OR2V2: variants seen among roughly 807,000 people sequenced by gnomAD.
The protein encoded by OR2V2 is olfactory receptor family 2 subfamily V member 2.
For synonymous variants in OR2V2, 161 were observed against 151.3 expected (o/e 1.06, Z -0.47); for missense variants, 392 against 392.2 (o/e 1.00, Z 0.00).
chr5:181,153,059 C>T (rs2770959), intron 1 of OR2V2, among the ~76,000 whole-genome samples: 13,894 of 152,142 alleles, frequency 0.091, 925 homozygotes, highest in African/African-American at 0.2. Context: ...GGTGCAGGCC[C>T]GGATGGCTAA....
intron 1 of OR2V2, among the ~76,000 whole-genome samples, chr5:181,148,645 G>A (rs186855192): frequency 6.6e-6 from 1 of 152,274 alleles, no homozygotes; most frequent in African/African-American, 2.4e-5. Context: ...CCCCCCACGA[G>A]CACCAGACGT....
At chr5:181,152,989 AAG>A in intron 1 of OR2V2, among the ~76,000 whole-genome samples, 1 of 152,200 alleles carries the variant, frequency 6.6e-6, no homozygotes, top group Admixed American at 6.5e-5. Context: ...ATACAAAGTT[AAG>A]GGAGGAAAAG....
intron 1 of OR2V2, among the ~76,000 whole-genome samples, chr5:181,150,455 A>C (rs1277064755): frequency 6.6e-6 from 1 of 152,190 alleles, no homozygotes; most frequent in Non-Finnish European, 1.5e-5. Context: ...GGAAGCTAGC[A>C]CTGGCCTCTG....
Position 181,155,465 on chromosome 5 carries a change from G to C in OR2V2, c.523G>C (p.Val175Leu). 3 of 1,614,222 alleles carry C rather than the reference G, an allele frequency of 1.9e-6. No homozygotes were observed. Among genetic ancestry groups the C allele is most frequent in the Non-Finnish European group, 2.5e-6 (3 of 1,180,034 alleles). Residue 175 changes from valine (V) to leucine (L), a missense_variant, in exon 2 of 2, where the codon GTG becomes CTG. Val to Leu is a conservative substitution (Grantham distance 32). Coordinates refer to ENST00000641492, the MANE Select transcript of OR2V2 (RefSeq NM_206880.2). ...MNFPYCGLRK[V>L]NHFFCEMLSL... Reference sequence around the variant, plus strand: ...TTTCCCCTACTGTGGCTTGAGGAAGGTGAACCATTTCTTCTGTGAGATGCT... The same window carrying C: ...TTTCCCCTACTGTGGCTTGAGGAAGCTGAACCATTTCTTCTGTGAGATGCT...
At chr5:181,148,093 T>C (rs1451033313) in intron 1 of OR2V2, 98 bp downstream of exon 1, 3 of 397,690 alleles carry the variant, frequency 7.5e-6, no homozygotes, top group Non-Finnish European at 1.3e-5. Context: ...CATCAGCACT[T>C]GTTCTTCCTC....
rs188971643 is a variant in OR2V2, at chr5:181,156,253, G to A, written c.*363G>A. The A allele has an allele frequency of 3.9e-5, 8 of 203,396 alleles. No homozygotes were observed. Among genetic ancestry groups the A allele is most frequent in the Non-Finnish European group, 5.9e-5 (6 of 101,760 alleles). 12.6% of individuals were successfully genotyped at this position (203,396 alleles called of 1,614,324 possible). A position where few individuals can be genotyped will look rare whatever the true frequency, so the allele number is the denominator to read the frequency against. On this transcript the variant is annotated 3_prime_UTR_variant, in exon 2 of 2. Coordinates refer to ENST00000641492, the MANE Select transcript of OR2V2 (RefSeq NM_206880.2). ...CCTGAGTAGCTGGGATTACAGGTGC[G>A]TGCCCCACACCTGACTAATTTTTTA...
chr5:181,153,506 G>A (rs1334227309), intron 1 of OR2V2, among the ~76,000 whole-genome samples: 1 of 151,982 alleles, frequency 6.6e-6, no homozygotes, highest in Non-Finnish European at 1.5e-5. Flanking sequence ...GGGCAAGATG[G>A]CAACACCCCA....
At chr5:181,152,056 T>C in intron 1 of OR2V2, among the ~76,000 whole-genome samples, 1 of 151,140 alleles carries the variant, frequency 6.6e-6, no homozygotes, top group East Asian at 1.9e-4. Flanking sequence ...GAGGCGGGGC[T>C]CTAGTGACAG....
intron 1 of OR2V2, among the ~76,000 whole-genome samples, chr5:181,152,665 C>T (rs191511259): frequency 4.6e-5 from 7 of 152,322 alleles, no homozygotes; most frequent in African/African-American, 1.2e-4. Context: ...AAACAGAATA[C>T]GCAGAGCTGA....
chr5:181,153,422 C>T (rs1487126351), intron 1 of OR2V2, among the ~76,000 whole-genome samples: 1 of 152,152 alleles, frequency 6.6e-6, no homozygotes, highest in African/African-American at 2.4e-5. Context: ...CATGGTGGCT[C>T]ACACCTGTAA....
rs1763255922 is a variant in OR2V2, at chr5:181,155,737, C to T, written c.795C>T (p.His265=). ...TGTTCATCTACCTGAGGCCTAGGCA[C>T]TACCGGGCCCCCAGCCATGACAAGG... The part of the protein sequence containing the change: ...AAMFIYLRPR[H]YRAPSHDKVA... The change falls in exon 2 of 2, where the codon CAC becomes CAT. Residue 265 remains histidine, a synonymous_variant. Coordinates refer to ENST00000641492, the MANE Select transcript of OR2V2 (RefSeq NM_206880.2). 1 of 1,614,244 alleles carries T rather than the reference C, an allele frequency of 6.2e-7. No individual in the cohort carries two copies. The highest frequency in any genetic ancestry group is 8.5e-7 in the Non-Finnish European group (1 of 1,180,044).
chr5:181,151,166 C>T (rs1040847145), intron 1 of OR2V2, among the ~76,000 whole-genome samples: 2 of 151,974 alleles, frequency 1.3e-5, no homozygotes, highest in African/African-American at 4.8e-5. Context: ...GCAGAGGGAG[C>T]AGGAAAGGCC....
chr5:181,152,363 TCA>T (rs1318441946), intron 1 of OR2V2, among the ~76,000 whole-genome samples: 1 of 152,218 alleles, frequency 6.6e-6, no homozygotes, highest in Non-Finnish European at 1.5e-5. Context: ...GTAAAATTTC[TCA>T]GTTAGGAGCT....
chr5:181,152,625 C>A (rs1379268429), intron 1 of OR2V2, among the ~76,000 whole-genome samples: 2 of 152,212 alleles, frequency 1.3e-5, no homozygotes, highest in African/African-American at 4.8e-5. Flanking sequence ...CCAGGGACAA[C>A]CTCGGTGATG....
rs59712201 is a variant in OR2V2 at position 181,156,039 on chromosome 5, G to GTTCTTTCTTTCT, written c.*172_*183dup. The GTTCTTTCTTTCT allele has an allele frequency of 0.08, 39,357 of 494,164 alleles. 1,640 individuals are homozygous for GTTCTTTCTTTCT. The highest frequency in any genetic ancestry group is 0.086 in the Admixed American group (2,212 of 25,728). 30.6% of individuals were successfully genotyped at this position (494,164 alleles called of 1,614,324 possible). A position where few individuals can be genotyped will look rare whatever the true frequency, so the allele number is the denominator to read the frequency against. ...GAAGGTCTTTTTAAACACTACATCAGTTCTTTCTTTCTTTCTTTCTTTCTT... is the reference window on the plus strand; with the variant it reads ...GAAGGTCTTTTTAAACACTACATCAGTTCTTTCTTTCTTTCTTTCTTTCTTTCTTTCTTTCTT... On this transcript the variant is annotated 3_prime_UTR_variant, in exon 2 of 2. Coordinates refer to ENST00000641492, the MANE Select transcript of OR2V2 (RefSeq NM_206880.2).
chr5:181,156,289 C>T lies in OR2V2; in HGVS notation c.*399C>T, dbSNP rs879917304. The T allele has an allele frequency of 4.6e-5, 8 of 175,490 alleles. No individual in the cohort carries two copies. Among genetic ancestry groups the T allele is most frequent in the Non-Finnish European group, 8.4e-5 (7 of 83,076 alleles). The allele number at this position is 175,490 out of a possible 1,614,324, so 10.9% of individuals were successfully genotyped here. A position where few individuals can be genotyped will look rare whatever the true frequency, so the allele number is the denominator to read the frequency against. On this transcript the variant is annotated 3_prime_UTR_variant, in exon 2 of 2. Coordinates refer to ENST00000641492, the MANE Select transcript of OR2V2 (RefSeq NM_206880.2). ...CTGACTAATTTTTTAGTAAGGGATC[C>T]ACTATTGTTGTAGAGACAATGTTTT...
chr5:181,156,039 G>GTTCTTTCTTTCTTTCT lies in OR2V2; in HGVS notation c.*168_*183dup, dbSNP rs59712201. 0.085 allele frequency: 41,807 copies of GTTCTTTCTTTCTTTCT among 493,562 alleles called. 1,809 individuals carry two copies. Among genetic ancestry groups the GTTCTTTCTTTCTTTCT allele is most frequent in the Admixed American group, 0.14 (3,674 of 25,660 alleles). 30.6% of individuals were successfully genotyped at this position (493,562 alleles called of 1,614,324 possible). A position where few individuals can be genotyped will look rare whatever the true frequency, so the allele number is the denominator to read the frequency against. On this transcript the variant is annotated 3_prime_UTR_variant, in exon 2 of 2. Coordinates refer to ENST00000641492, the MANE Select transcript of OR2V2 (RefSeq NM_206880.2). ...GAAGGTCTTTTTAAACACTACATCA[G>GTTCTTTCTTTCTTTCT]TTCTTTCTTTCTTTCTTTCTTTCTT...
intron 1 of OR2V2, among the ~76,000 whole-genome samples, chr5:181,148,977 G>A (rs541806837): frequency 6.6e-6 from 1 of 152,366 alleles, no homozygotes; most frequent in South Asian, 2.1e-4. Flanking sequence ...AGTCCACAGA[G>A]CTCTGGGGAG....
intron 1 of OR2V2, among the ~76,000 whole-genome samples, chr5:181,148,582 C>T (rs1369377491): frequency 4.6e-5 from 7 of 152,120 alleles, no homozygotes; most frequent in Non-Finnish European, 1.0e-4. Context: ...TCATTAATCA[C>T]GTGGTTACTG....
Sources: gnomAD v4.1 joint callset for allele counts (sites outside exome capture counted in the v4.1 genomes callset) on GRCh38, gnomAD v4.1.1 for gene constraint, MANE v1.5 for transcripts, NCBI Gene and HGNC (gene_info 2026-07-23, HGNC 2026-07-21) for gene names.